The following RNF20 variants were observed in gnomAD, a reference collection of about 807,000 sequenced individuals.
The protein encoded by RNF20 is ring finger protein 20, also known as E3 ubiquitin-protein ligase BRE1A.
A neutral mutation model predicts 126.2 loss-of-function variants in RNF20; 84 were observed. The observed-to-expected ratio is 0.67, with a 90% confidence interval of 0.56 to 0.80. RNF20 has a LOEUF of 0.80. Among genes scored for constraint, RNF20 ranks in the 30% least tolerant of loss-of-function variants. RNF20 has a pLI of 0.00. For missense variants in RNF20, 869 were observed against 1,188.2 expected (o/e 0.73, Z 3.95); for synonymous variants, 400 against 414.3 (o/e 0.97, Z 0.42).
At chr9:101,557,659 A>C (rs561586768) in intron 16 of RNF20, 63 bp downstream of exon 16, 1 of 1,237,366 alleles carries the variant, frequency 8.1e-7, no homozygotes, top group Non-Finnish European at 1.2e-6. Flanking sequence ...ATGATGATAT[A>C]AGTAAAAGAA....
chr9:101,556,907 TATGA>T (rs1827545491), intron 15 of RNF20, among the ~76,000 whole-genome samples: 2 of 152,160 alleles, frequency 1.3e-5, no homozygotes, highest in South Asian at 4.1e-4. Flanking sequence ...GTCTTAACCA[TATGA>T]AAAGATGCTC....
intron 9 of RNF20, among the ~76,000 whole-genome samples, chr9:101,549,141 G>A (rs1268072319): frequency 6.6e-6 from 1 of 152,194 alleles, no homozygotes; most frequent in African/African-American, 2.4e-5. Flanking sequence ...AGCTGGGCCT[G>A]GGGGACCACT....
intron 13 of RNF20, among the ~76,000 whole-genome samples, chr9:101,552,973 G>A (rs16920483): frequency 0.15 from 22,514 of 152,140 alleles, 2,251 homozygotes; most frequent in East Asian, 0.36. Flanking sequence ...ACCGATGATG[G>A]TAGCCTTATT....
intron 10 of RNF20, 33 bp downstream of exon 10, chr9:101,550,818 C>T: frequency 6.3e-7 from 1 of 1,592,238 alleles, no homozygotes; most frequent in South Asian, 1.1e-5. Context: ...TGTATGTAAG[C>T]TTTCTTGCCT....
rs1827448550 is a variant in RNF20 at position 101,551,676 on chromosome 9, G to A, written c.1273-8G>A. ...AATTTTTTTATTGGTTCCTTTATCT[G>A]TGTGTAGCGAGATGAGGTTAGTCTT... On this transcript the variant is annotated splice_polypyrimidine_tract_variant and splice_region_variant and intron_variant, in intron 10 of 19. Transcript: ENST00000389120. 1 of 1,356,416 alleles carries A rather than the reference G, an allele frequency of 7.4e-7. No homozygotes were observed. The highest frequency in any genetic ancestry group is 1.8e-5 in the African/African-American group (1 of 54,538). The allele number at this position is 1,356,416 out of a possible 1,614,324, so 84.0% of individuals were successfully genotyped here. A position where few individuals can be genotyped will look rare whatever the true frequency, so the allele number is the denominator to read the frequency against.
intron 16 of RNF20, among the ~76,000 whole-genome samples, chr9:101,558,239 C>T (rs1180345912): frequency 1.3e-5 from 2 of 152,124 alleles, no homozygotes; most frequent in African/African-American, 2.4e-5. Flanking sequence ...TGCGTCCTCA[C>T]AGCTTAGCTC....
At chr9:101,550,900 G>C (rs2118710964) in intron 10 of RNF20, 115 bp downstream of exon 10, 1 of 962,568 alleles carries the variant, frequency 1.0e-6, no homozygotes, top group East Asian at 2.4e-5. Flanking sequence ...TCATAGAGTG[G>C]CAGTAGGTCT....
chr9:101,557,157 A>G (rs1448502372), intron 15 of RNF20, among the ~76,000 whole-genome samples: 2 of 152,212 alleles, frequency 1.3e-5, no homozygotes, highest in African/African-American at 2.4e-5. Context: ...TGTCTAATTT[A>G]ACTGACGTTG....
chr9:101,554,747 G>A lies in RNF20; in HGVS notation c.2073G>A (p.Glu691=), dbSNP rs1827505925. 1 of 1,608,914 alleles carries A rather than the reference G, an allele frequency of 6.2e-7. No homozygotes were observed. The highest frequency in any genetic ancestry group is 8.5e-7 in the Non-Finnish European group (1 of 1,176,712). ...LKDLEDKEKK[E]NKKMADEDAL... ...ATCTGGAAGATAAAGAGAAGAAAGA[G>A]AACAAGAAAATGGCTGATGAGGATG... The change falls in exon 15 of 20, where the codon GAG becomes GAA. Residue 691 remains glutamate, a synonymous_variant. Transcript: ENST00000389120.
chr9:101,541,062 T>A (rs1311835297), intron 5 of RNF20, 87 bp downstream of exon 5: 1 of 884,704 alleles, frequency 1.1e-6, no homozygotes, highest in African/African-American at 1.7e-5. Context: ...CAAGCTTACA[T>A]ATTTATTTTT....
At chr9:101,539,533 C>T (rs2118675404) in intron 2 of RNF20, among the ~76,000 whole-genome samples, 1 of 152,158 alleles carries the variant, frequency 6.6e-6, no homozygotes, top group South Asian at 2.1e-4. Flanking sequence ...TTCTGGAGAT[C>T]TTGATGAGGT....
chr9:101,549,254 C>T (rs1171348375), intron 9 of RNF20, among the ~76,000 whole-genome samples: 2 of 152,194 alleles, frequency 1.3e-5, no homozygotes. Context: ...AAGCCATCTC[C>T]AATCGTAGGT....
Position 101,551,150 on chromosome 9 carries a change from TAGG to T in RNF20, c.1272+368_1272+370del, listed in dbSNP as rs1260961735. Among the ~76,000 whole-genome samples the T allele has an allele frequency of 3.9e-5, 6 of 152,210 alleles. No homozygotes were observed. In the East Asian group the frequency reaches 7.7e-4, roughly 20 times the overall value. Reference sequence around the variant, plus strand: ...AGGATAAATTATTGGTAGTTGAAAGTAGGAGAAGAAGAATTCCCGGCATGAGAA... The same window carrying T: ...AGGATAAATTATTGGTAGTTGAAAGTAGAAGAAGAATTCCCGGCATGAGAA... On this transcript the variant is annotated intron_variant, in intron 10 of 19. Transcript: ENST00000389120.
chr9:101,538,723 A>G (rs1827220066), intron 2 of RNF20, among the ~76,000 whole-genome samples: 1 of 152,248 alleles, frequency 6.6e-6, no homozygotes, highest in Non-Finnish European at 1.5e-5. Flanking sequence ...CTACTTTGGC[A>G]TATTAGGAAT....
rs1239555402 is a variant in RNF20, at chr9:101,540,938, A to G, written c.591A>G (p.Glu197=). 6.2e-7 allele frequency: 1 copy of G among 1,614,110 alleles called. No individual in the cohort carries two copies. Among genetic ancestry groups the G allele is most frequent in the Non-Finnish European group, 8.5e-7 (1 of 1,179,992 alleles). ...TGACTGTTTATGATAAATTGCAAGA[A>G]AAAGTGGAGCTCTTATCCCGGAAGC... The part of the protein sequence containing the change: ...QIVTVYDKLQ[E]KVELLSRKLN... Residue 197 remains glutamate (E), a synonymous_variant, in exon 5 of 20, where the codon GAA becomes GAG. Transcript: ENST00000389120.
At chr9:101,553,504 T>C (rs2118721392) in intron 13 of RNF20, among the ~76,000 whole-genome samples, 1 of 152,368 alleles carries the variant, frequency 6.6e-6, no homozygotes, top group African/African-American at 2.4e-5. Flanking sequence ...ATCACTCAGC[T>C]GTCAAATCTA....
Position 101,557,543 on chromosome 9 carries a change from C to G in RNF20, c.2329C>G (p.Leu777Val). The G allele has an allele frequency of 2.5e-6, 4 of 1,613,968 alleles. No homozygotes were observed. Among genetic ancestry groups the G allele is most frequent in the Non-Finnish European group, 3.4e-6 (4 of 1,179,908 alleles). The change falls in exon 16 of 20, where the codon CTT (leucine) becomes GTT (valine). Residue 777 changes from leucine to valine, a missense_variant. Physicochemically the swap from Leu to Val is conservative, Grantham distance 32. This residue lies in a region of RNF20 where 150 missense variants were observed against 173.7 expected (regional missense o/e 0.86). Transcript: ENST00000389120. Reference protein sequence around the residue: ...RIKSNQIHKLLKEEKEELADQ... With the variant: ...RIKSNQIHKLVKEEKEELADQ... ...CAAGTCCAATCAGATCCATAAGTTG[C>G]TTAAAGAAGAGAAGGAGGAGCTGGC...
chr9:101,535,714 G>C (rs1323697709), intron 2 of RNF20, among the ~76,000 whole-genome samples, 162 bp downstream of exon 2: 1 of 152,248 alleles, frequency 6.6e-6, no homozygotes, highest in Non-Finnish European at 1.5e-5. Context: ...GTCAGTTCTA[G>C]AGGAGAGGTA....
intron 8 of RNF20, 61 bp from the exon 9 acceptor site, chr9:101,547,338 A>C (rs1197492557): frequency 6.2e-7 from 1 of 1,608,776 alleles, no homozygotes; most frequent in East Asian, 2.2e-5. Context: ...TGAAGAAAGG[A>C]AGCTTAGAAA....
Sources: allele counts gnomAD v4.1 joint callset (sites outside exome capture counted in the v4.1 genomes callset), GRCh38; gene constraint gnomAD v4.1.1; regional missense constraint gnomAD v4.1.1; transcripts MANE v1.5; gene names NCBI Gene and HGNC (gene_info 2026-07-23, HGNC 2026-07-21).